Variants in CCR6 observed in about 807,000 individuals in gnomAD.
CCR6 encodes C-C motif chemokine receptor 6, also known as C-C chemokine receptor type 6.
Under a neutral mutation model 3.0 loss-of-function variants are expected in CCR6, and 2 were observed. The ratio of observed to expected loss-of-function variants is 0.66; its 90% CI spans 0.27 to 2.07. The LOEUF (loss-of-function observed/expected upper bound fraction) is 2.07, where lower values mean the gene tolerates loss of function less well. Ranked by LOEUF, CCR6 falls within the 30% of genes most tolerant of loss-of-function variation. CCR6 has a pLI of 0.14. For missense variants in CCR6, 322 were observed against 462.8 expected, an observed-to-expected ratio of 0.70 and a Z score of 2.79; for synonymous variants, 193 against 184.3, an observed-to-expected ratio of 1.05 and a Z score of -0.38.
intron 1 of CCR6, among the ~76,000 whole-genome samples, chr6:167,113,498 G>A (rs1202471604): frequency 3.3e-5 from 5 of 152,184 alleles, no homozygotes; most frequent in Non-Finnish European, 7.3e-5. Flanking sequence ...AGCAGATACT[G>A]TAGTTCCAAG....
chr6:167,123,805 T>A (rs1471789429), intron 1 of CCR6, among the ~76,000 whole-genome samples: 1 of 152,130 alleles, frequency 6.6e-6, no homozygotes, highest in Admixed American at 6.6e-5. Context: ...CAGAAAATAA[T>A]ACACAATGAT....
Position 167,136,168 on chromosome 6 carries a change from G to A in CCR6, c.9+25G>A. The stretch of plus-strand genomic sequence containing the variant: ...GGTAAGATTTTTATTTTTGGCAAGG[G>A]GTATAATTTGGGTTCACTGTGGCTA... On this transcript the variant is annotated intron_variant, in intron 2 of 2. Transcript: ENST00000341935. This position sits in a 1 kb window ranked among gnomAD's most constrained non-coding sequence, Gnocchi z 4.6. 1 of 1,613,196 alleles carries A rather than the reference G, an allele frequency of 6.2e-7. No homozygotes were observed. Among genetic ancestry groups the A allele is most frequent in the South Asian group, 1.1e-5 (1 of 90,782 alleles).
At chr6:167,122,581 C>T (rs748629957), upstream of CCR6, among the ~76,000 whole-genome samples, 8 of 152,316 alleles carry the variant, frequency 5.3e-5, no homozygotes, top group South Asian at 8.3e-4. The surrounding 1 kb of genome is among the most constrained non-coding windows in gnomAD (Gnocchi z 4.2). Context: ...CTTCCGTGGA[C>T]GGGCATGGCT....
At chr6:167,119,948 G>T (rs1224474786), upstream of CCR6, among the ~76,000 whole-genome samples, 4 of 152,122 alleles carry the variant, frequency 2.6e-5, no homozygotes, top group African/African-American at 9.7e-5. Context: ...AGGCTTTCCT[G>T]GGGAGGGTTT....
rs1781869135 is a variant in CCR6 at position 167,137,554 on chromosome 6, G to A, written c.*199G>A. On this transcript the variant is annotated 3_prime_UTR_variant, in exon 3 of 3. Coordinates refer to ENST00000341935, the MANE Select transcript of CCR6 (RefSeq NM_031409.4). This position sits in a 1 kb window ranked among gnomAD's most constrained non-coding sequence, Gnocchi z 4.6. ...GGTCTCTGATAGGTAGCATTTTCCA[G>A]CACTTTGCAAGGAATGTTTTGTAGC... 1 of 548,934 alleles carries A rather than the reference G, an allele frequency of 1.8e-6. No homozygotes were observed. Among genetic ancestry groups the A allele is most frequent in the Non-Finnish European group, 3.2e-6 (1 of 312,890 alleles). 34.0% of individuals were successfully genotyped at this position (548,934 alleles called of 1,614,324 possible). A position where few individuals can be genotyped will look rare whatever the true frequency, so the allele number is the denominator to read the frequency against.
upstream of CCR6, among the ~76,000 whole-genome samples, chr6:167,120,113 A>G (rs1180682734): frequency 6.6e-6 from 1 of 152,146 alleles, no homozygotes; most frequent in Non-Finnish European, 1.5e-5. Flanking sequence ...TGATTTATTT[A>G]CAATCTCTTG....
In CCR6 at chr6:167,136,097, C is replaced by T. The variant is rs773564155; in HGVS notation, c.-38C>T. ...AGCTGAAGGGGCTGAACCATACACT[C>T]CTTTTTCTACAACCAGCTTGCATTT... On this transcript the variant is annotated 5_prime_UTR_variant, in exon 2 of 3. Coordinates refer to ENST00000341935, the MANE Select transcript of CCR6 (RefSeq NM_031409.4). The surrounding 1 kb of genome is among the most constrained non-coding windows in gnomAD (Gnocchi z 4.6). The T allele has an allele frequency of 2.5e-6, 4 of 1,612,072 alleles. No individual in the cohort carries two copies. Among genetic ancestry groups the T allele is most frequent in the African/African-American group, 2.7e-5 (2 of 74,796 alleles).
chr6:167,133,129 A>T (rs1330571767), intron 1 of CCR6, among the ~76,000 whole-genome samples: 1 of 152,234 alleles, frequency 6.6e-6, no homozygotes, highest in Non-Finnish European at 1.5e-5. Context: ...TTGTACAATC[A>T]AGTACAATTT....
chr6:167,122,565 C>A (rs534386577), upstream of CCR6, among the ~76,000 whole-genome samples: 29 of 152,320 alleles, frequency 1.9e-4, no homozygotes, highest in Non-Finnish European at 2.8e-4. The surrounding 1 kb of genome is among the most constrained non-coding windows in gnomAD (Gnocchi z 4.2). Flanking sequence ...AGGCGCTGCT[C>A]CTCGGCTTCC....
At chr6:167,114,192 C>A (rs1292302824) in intron 1 of CCR6, among the ~76,000 whole-genome samples, 1 of 152,252 alleles carries the variant, frequency 6.6e-6, no homozygotes, top group Non-Finnish European at 1.5e-5. Context: ...TCCTCACCTT[C>A]CCTTGATCGG....
At position 167,138,638 on chromosome 6, in the gene CCR6, T is replaced by A. The variant is rs1642632319; in HGVS notation, c.*1283T>A. 6.6e-6 allele frequency: 1 copy of A among 152,256 alleles called. No homozygotes were observed. Among genetic ancestry groups the A allele is most frequent in the African/African-American group, 2.4e-5 (1 of 41,426 alleles). 9.4% of individuals were successfully genotyped at this position (152,256 alleles called of 1,614,324 possible). Reference sequence around the variant, plus strand: ...AAAATACAAACACATGTTAGGAAGGTACTGTCATGGGCTAGGCATGGTGGC... The same window carrying A: ...AAAATACAAACACATGTTAGGAAGGAACTGTCATGGGCTAGGCATGGTGGC... On this transcript the variant is annotated 3_prime_UTR_variant, in exon 3 of 3. Coordinates refer to ENST00000341935, the MANE Select transcript of CCR6 (RefSeq NM_031409.4).
chr6:167,119,342 T>A (rs936625628), upstream of CCR6: 1 of 152,670 alleles, frequency 6.6e-6, no homozygotes, highest in African/African-American at 2.4e-5. Flanking sequence ...ACGTAGGCTC[T>A]CTGCATATCA....
upstream of CCR6, among the ~76,000 whole-genome samples, chr6:167,117,898 A>T (rs562998171): frequency 6.6e-6 from 1 of 150,914 alleles, no homozygotes; most frequent in Non-Finnish European, 1.5e-5. Flanking sequence ...GTCGCTTTTC[A>T]GTGCTCAAAT....
At chr6:167,130,942 C>A (rs1349633793) in intron 1 of CCR6, among the ~76,000 whole-genome samples, 5 of 147,746 alleles carry the variant, frequency 3.4e-5, no homozygotes, top group African/African-American at 5.0e-5. Flanking sequence ...ACCCTCTGGG[C>A]CCCCCTCCCT....
intron 1 of CCR6, among the ~76,000 whole-genome samples, chr6:167,133,932 G>GTATGTATATATATATATA (rs1781808725): frequency 9.1e-6 from 1 of 110,340 alleles, no homozygotes; most frequent in African/African-American, 4.4e-5. Flanking sequence ...ATATATGTGT[G>GTATGTATATATATATATA]TATATATATA....
At chr6:167,122,447 C>T (rs1190112844), upstream of CCR6, among the ~76,000 whole-genome samples, 1 of 152,238 alleles carries the variant, frequency 6.6e-6, no homozygotes, top group African/African-American at 2.4e-5. This position sits in a 1 kb window ranked among gnomAD's most constrained non-coding sequence, Gnocchi z 4.2. Flanking sequence ...GATTCTGTCT[C>T]TGTGCCACAT....
intron 1 of CCR6, among the ~76,000 whole-genome samples, chr6:167,125,478 G>A (rs1375116136): frequency 6.6e-6 from 1 of 152,198 alleles, no homozygotes; most frequent in Non-Finnish European, 1.5e-5. Flanking sequence ...GAGCCAGCCA[G>A]TATTGGTCTC....
chr6:167,128,904 T>G (rs960025026), intron 1 of CCR6, among the ~76,000 whole-genome samples: 1 of 152,226 alleles, frequency 6.6e-6, no homozygotes, highest in Non-Finnish European at 1.5e-5. Context: ...GAGAAGCTTC[T>G]ATTTTCCCTA....
intron 1 of CCR6, among the ~76,000 whole-genome samples, chr6:167,124,943 C>T (rs1248346509): frequency 6.6e-6 from 1 of 152,020 alleles, no homozygotes; most frequent in African/African-American, 2.4e-5. Context: ...CACCCATGCA[C>T]ACACATGCAA....
Sources: gnomAD v4.1 joint callset for allele counts (sites outside exome capture counted in the v4.1 genomes callset) on GRCh38, gnomAD v4.1.1 for gene constraint, Gnocchi (gnomAD v3.1) non-coding constraint, MANE v1.5 for transcripts, NCBI Gene and HGNC (gene_info 2026-07-23, HGNC 2026-07-21) for gene names.